GMDS: variants seen among roughly 807,000 people sequenced by gnomAD.
GMDS encodes the protein GDP-mannose 4,6 dehydratase.
Under a neutral mutation model 49.9 loss-of-function variants are expected in GMDS, and 20 were observed. The observed-to-expected ratio is 0.40, with a 90% confidence interval of 0.28 to 0.58. The LOEUF (loss-of-function observed/expected upper bound fraction) is 0.58. GMDS is among the 20% of genes least tolerant of loss of function. The pLI, the probability that GMDS is intolerant of heterozygous loss-of-function variation, is 0.42. For missense variants in GMDS, 362 were observed against 481.4 expected (o/e 0.75, Z 2.32); for synonymous variants, 177 against 178.6 (o/e 0.99, Z 0.07).
chr6:1,670,410 A>G (rs1268866314), intron 9 of GMDS, among the ~76,000 whole-genome samples: 5 of 150,550 alleles, frequency 3.3e-5, no homozygotes, highest in Non-Finnish European at 7.4e-5. Flanking sequence ...TGAGGACAGC[A>G]TTAGACAAAT....
At chr6:1,789,731 G>A (rs1165095397) in intron 7 of GMDS, among the ~76,000 whole-genome samples, 1 of 151,514 alleles carries the variant, frequency 6.6e-6, no homozygotes, top group Admixed American at 6.6e-5. Flanking sequence ...GTAGAGATGG[G>A]GTCTCACTAT....
In GMDS at chr6:1,960,771, C is replaced by T. The variant is rs985684950; in HGVS notation, c.538+3G>A. 1.3e-6 allele frequency: 2 copies of T among 1,581,156 alleles called. No homozygotes were observed. The highest frequency in any genetic ancestry group is 3.4e-5 in the Admixed American group (2 of 59,362). ...GTGCTCCGGTGTGCACGCATGTTCT[C>T]ACCATAGGGTGACCGGGGATAGAAA... On this transcript the variant is annotated splice_donor_region_variant and intron_variant, in intron 5 of 10. Transcript: ENST00000380815.
At position 1,778,152 on chromosome 6, in the gene GMDS, C is replaced by T. The variant is rs564503937; in HGVS notation, c.772-35566G>A. On this transcript the variant is annotated intron_variant, in intron 7 of 10. Transcript: ENST00000380815. The surrounding 1 kb of genome is among the most constrained non-coding windows in gnomAD (Gnocchi z 4.6). The stretch of plus-strand genomic sequence containing the variant: ...TTCCTTAAAGAGCTGAATAAAGGAT[C>T]GAGTTAGACTGGCCTTCTCAACACC... 2.1e-4 allele frequency among the ~76,000 whole-genome samples: 32 copies of T among 152,234 alleles called. No homozygotes were observed. The South Asian group carries it at 2.9e-3, about 14-fold the overall frequency.
At chr6:1,641,985 G>A (rs1382964065) in intron 9 of GMDS, among the ~76,000 whole-genome samples, 3 of 152,020 alleles carry the variant, frequency 2.0e-5, no homozygotes, top group Non-Finnish European at 4.4e-5. Context: ...CGTTTCACCT[G>A]CTCCTTCAGG....
intron 7 of GMDS, among the ~76,000 whole-genome samples, chr6:1,889,568 A>T (rs1759777461): frequency 6.6e-6 from 1 of 152,148 alleles, no homozygotes; most frequent in Non-Finnish European, 1.5e-5. Context: ...CCAAGTTCCA[A>T]ACGTCCACTG....
intron 7 of GMDS, among the ~76,000 whole-genome samples, chr6:1,905,581 A>G (rs1365560406): frequency 7.3e-6 from 1 of 136,326 alleles, no homozygotes; most frequent in African/African-American, 2.8e-5. Context: ...GGGCCAGCAC[A>G]TAGCTGTGGG....
At chr6:1,993,506 C>T (rs961502036) in intron 4 of GMDS, among the ~76,000 whole-genome samples, 1 of 152,168 alleles carries the variant, frequency 6.6e-6, no homozygotes, top group African/African-American at 2.4e-5. Context: ...CTGCCGAAGG[C>T]AGCTGCTAAA....
chr6:1,949,111 T>C, intron 6 of GMDS: 5 of 620,292 alleles, frequency 8.1e-6, no homozygotes, highest in Non-Finnish European at 1.0e-5. Flanking sequence ...GCATTGAAAA[T>C]ACAGGAACAG....
intron 1 of GMDS, among the ~76,000 whole-genome samples, chr6:2,146,464 G>A (rs540237915): frequency 1.3e-5 from 2 of 152,100 alleles, no homozygotes; most frequent in Non-Finnish European, 2.9e-5. Context: ...ATTATACTTC[G>A]TTTTGGGCAT....
chr6:2,243,391 T>A lies in GMDS; in HGVS notation c.102+1930A>T, dbSNP rs147961057. 3.5e-4 allele frequency among the ~76,000 whole-genome samples: 54 copies of A among 152,306 alleles called. 1 individual carries two copies. The East Asian group carries it at 7.3e-3, about 21-fold the overall frequency. ...TGATTCATACTGCTGGTCGTGTAAATTGGTATAGGCCACACCAACACAGCA... is the reference window on the plus strand; with the variant it reads ...TGATTCATACTGCTGGTCGTGTAAAATGGTATAGGCCACACCAACACAGCA... On this transcript the variant is annotated intron_variant, in intron 1 of 10. Transcript: ENST00000380815.
intron 1 of GMDS, among the ~76,000 whole-genome samples, chr6:2,206,576 C>T (rs1779817023): frequency 6.6e-6 from 1 of 152,224 alleles, no homozygotes; most frequent in South Asian, 2.1e-4. Context: ...CCATCACTGT[C>T]ACCTGACCAA....
intron 7 of GMDS, among the ~76,000 whole-genome samples, chr6:1,825,822 C>T (rs908248977): frequency 6.6e-6 from 1 of 152,120 alleles, no homozygotes; most frequent in Non-Finnish European, 1.5e-5. Context: ...AGACCAGCCG[C>T]CTGGCAGACA....
intron 9 of GMDS, among the ~76,000 whole-genome samples, chr6:1,684,249 C>T (rs374678159): frequency 7.8e-4 from 118 of 152,232 alleles, no homozygotes; most frequent in African/African-American, 2.5e-3. Flanking sequence ...GGAAGTCTCC[C>T]GTGTTGCTGG....
intron 7 of GMDS, among the ~76,000 whole-genome samples, chr6:1,867,051 A>G (rs1246490824): frequency 6.6e-6 from 1 of 152,240 alleles, no homozygotes; most frequent in African/African-American, 2.4e-5. Flanking sequence ...AATTACATGG[A>G]TATATTTAGC....
intron 4 of GMDS, among the ~76,000 whole-genome samples, chr6:2,010,242 G>A (rs953681401): frequency 2.0e-5 from 3 of 150,926 alleles, no homozygotes; most frequent in South Asian, 2.1e-4. Context: ...CAAGAGAATC[G>A]CTTGAACCCG....
At chr6:1,897,275 C>T (rs1156363454) in intron 7 of GMDS, among the ~76,000 whole-genome samples, 7 of 152,186 alleles carry the variant, frequency 4.6e-5, no homozygotes, top group Non-Finnish European at 8.8e-5. Flanking sequence ...CTCATGAGGA[C>T]ACCAGTCCTA....
intron 4 of GMDS, among the ~76,000 whole-genome samples, chr6:2,105,805 G>A (rs544652484): frequency 3.2e-4 from 48 of 152,274 alleles, no homozygotes; most frequent in African/African-American, 5.5e-4. Context: ...TAAGAAGTGC[G>A]AAACTGCTGC....
intron 1 of GMDS, among the ~76,000 whole-genome samples, chr6:2,126,727 G>A (rs562488302): frequency 6.6e-6 from 1 of 152,220 alleles, no homozygotes; most frequent in Non-Finnish European, 1.5e-5. Context: ...CTCTGCCTCC[G>A]GGTTCAAGCG....
At chr6:2,012,213 T>C (rs1054766130) in intron 4 of GMDS, among the ~76,000 whole-genome samples, 6 of 152,070 alleles carry the variant, frequency 3.9e-5, no homozygotes, top group Non-Finnish European at 1.5e-5. Context: ...CACCACACAA[T>C]ATATCCACGG....
Sources: allele counts gnomAD v4.1 joint callset (sites outside exome capture counted in the v4.1 genomes callset), GRCh38; gene constraint gnomAD v4.1.1; non-coding constraint Gnocchi (gnomAD v3.1); transcripts MANE v1.5; gene names NCBI Gene and HGNC (gene_info 2026-07-23, HGNC 2026-07-21).